The following FYCO1 variants were observed in gnomAD, a reference collection of about 807,000 sequenced individuals.
The protein encoded by FYCO1 is FYVE and coiled-coil domain autophagy adaptor 1, also known as FYVE and coiled-coil domain-containing protein 1.
Under a neutral mutation model 165.1 loss-of-function variants are expected in FYCO1, and 122 were observed. The observed-to-expected ratio is 0.74, with a 90% CI of 0.64 to 0.86. The LOEUF is 0.86. FYCO1 is among the 40% of genes least tolerant of loss of function. FYCO1 has a pLI of 0.00. For synonymous variants in FYCO1, 648 were observed against 742.5 expected (o/e 0.87, Z 2.07); for missense variants, 1,702 against 1,810.3 (o/e 0.94, Z 1.09).
intron 14 of FYCO1, among the ~76,000 whole-genome samples, chr3:45,950,595 C>A (rs1333119160): frequency 6.6e-6 from 1 of 152,160 alleles, no homozygotes. Flanking sequence ...AGCAGCACCC[C>A]CTTCCAGCTG....
intron 13 of FYCO1, 36 bp downstream of exon 13, chr3:45,958,372 A>C: frequency 6.3e-7 from 1 of 1,583,318 alleles, no homozygotes; most frequent in Non-Finnish European, 8.7e-7. Context: ...AGTGGCACCT[A>C]GAGAACATAG....
At chr3:45,988,991 T>C (rs926585751) in intron 1 of FYCO1, among the ~76,000 whole-genome samples, 1 of 152,176 alleles carries the variant, frequency 6.6e-6, no homozygotes, top group Admixed American at 6.5e-5. Flanking sequence ...CTATTTATGC[T>C]ATGGTCCAAG....
At chr3:45,989,706 C>T (rs1176983799) in intron 1 of FYCO1, among the ~76,000 whole-genome samples, 1 of 152,230 alleles carries the variant, frequency 6.6e-6, no homozygotes, top group Non-Finnish European at 1.5e-5. Flanking sequence ...TCAACCTTCT[C>T]TTGGTCCCCT....
At chr3:45,980,676 G>C (rs549250696) in intron 3 of FYCO1, among the ~76,000 whole-genome samples, 1 of 152,196 alleles carries the variant, frequency 6.6e-6, no homozygotes, top group Non-Finnish European at 1.5e-5. Flanking sequence ...CGCATACTAC[G>C]TGCTTTGGTG....
intron 11 of FYCO1, 82 bp from the exon 12 acceptor site, chr3:45,959,624 G>T: frequency 7.0e-7 from 1 of 1,430,738 alleles, no homozygotes; most frequent in Non-Finnish European, 9.7e-7. Flanking sequence ...CAAAAGACTG[G>T]TATCAAATTT....
chr3:45,982,325 AC>A (rs1219654981), intron 2 of FYCO1, among the ~76,000 whole-genome samples: 2 of 152,204 alleles, frequency 1.3e-5, no homozygotes, highest in African/African-American at 4.8e-5. Flanking sequence ...AAAAAAAAGT[AC>A]AATTTAGAAT....
rs767061149 is a variant in FYCO1 at position 45,959,351 on chromosome 3, C to T, written c.3587+42G>A. ...GGAGCTGTCTGCTCTGGTCCTGGGC[C>T]CCACCAGGGTGTTGGTGCCAACCCA... On this transcript the variant is annotated intron_variant, in intron 12 of 17. Coordinates refer to ENST00000296137, the MANE Select transcript of FYCO1 (RefSeq NM_024513.4). 4 of 1,608,962 alleles carry T rather than the reference C, an allele frequency of 2.5e-6. No homozygotes were observed. In the South Asian group the frequency reaches 4.4e-5, roughly 18 times the overall value.
intron 4 of FYCO1, among the ~76,000 whole-genome samples, chr3:45,978,911 C>T (rs1354091482): frequency 1.4e-5 from 2 of 148,036 alleles, no homozygotes; most frequent in Non-Finnish European, 3.0e-5. Flanking sequence ...GGCTGGAGTG[C>T]AGTGGCGCGA....
intron 3 of FYCO1, among the ~76,000 whole-genome samples, chr3:45,981,204 T>C (rs559930257): frequency 6.6e-6 from 1 of 152,356 alleles, no homozygotes; most frequent in South Asian, 2.1e-4. Context: ...ATTGTGTGTA[T>C]ACATACACGA....
At chr3:45,956,840 A>G (rs900153205) in intron 13 of FYCO1, among the ~76,000 whole-genome samples, 5 of 152,242 alleles carry the variant, frequency 3.3e-5, no homozygotes, top group African/African-American at 9.6e-5. Flanking sequence ...TAGAGATTCA[A>G]TGCAATCTCA....
At chr3:45,956,614 G>A (rs1233678137) in intron 13 of FYCO1, among the ~76,000 whole-genome samples, 1 of 151,926 alleles carries the variant, frequency 6.6e-6, no homozygotes, top group Non-Finnish European at 1.5e-5. Context: ...TGAGGCATAG[G>A]CTGAAAAAAG....
rs1165797711 is a variant in FYCO1 at position 45,993,914 on chromosome 3, G to T, written c.-113+1808C>A. 1.3e-5 allele frequency among the ~76,000 whole-genome samples: 2 copies of T among 152,192 alleles called. No individual in the cohort carries two copies. Among genetic ancestry groups the T allele is most frequent in the Non-Finnish European group, 2.9e-5 (2 of 68,032 alleles). ...AAACATCTCCCCTAAAGGGAAGCAG[G>T]GTGGGTGGGGGTGAGGGGGCTGCCA... On this transcript the variant is annotated intron_variant, in intron 1 of 17. Coordinates refer to ENST00000296137, the MANE Select transcript of FYCO1 (RefSeq NM_024513.4). The surrounding 1 kb of genome is among the most constrained non-coding windows in gnomAD (Gnocchi z 4.4).
At chr3:45,992,371 G>A (rs953708290) in intron 1 of FYCO1, among the ~76,000 whole-genome samples, 1 of 152,156 alleles carries the variant, frequency 6.6e-6, no homozygotes, top group African/African-American at 2.4e-5. Context: ...CAGGACCCAG[G>A]ATGGCTCTGA....
At chr3:45,969,891 TCAAAGC>T (rs1193479322) in intron 6 of FYCO1, 126 bp from the exon 7 acceptor site, 1 of 664,554 alleles carries the variant, frequency 1.5e-6, no homozygotes, top group Non-Finnish European at 2.6e-6. Flanking sequence ...TGTAAGAAAG[TCAAAGC>T]CAACAGATTC....
At chr3:45,974,553 G>GT (rs532739765) in intron 5 of FYCO1, among the ~76,000 whole-genome samples, 1 of 152,124 alleles carries the variant, frequency 6.6e-6, no homozygotes, top group African/African-American at 2.4e-5. Context: ...TCCCTTTGTA[G>GT]TTTTTTTTAG....
chr3:45,958,409 TTG>T lies in FYCO1; in HGVS notation c.3796_3797del (p.Gln1266ArgfsTer15). 2 of 1,612,012 alleles carry T rather than the reference TTG, an allele frequency of 1.2e-6. No individual in the cohort carries two copies. Among genetic ancestry groups the T allele is most frequent in the South Asian group, 2.2e-5 (2 of 90,928 alleles). ...ASPGPQATGG[Q>X]GANTDYRPPD... ...AGGCAGTAGTAGCAGGAGACTGACC[TTG>T]GCCTCCTGTGGCCTGGGGCCCAGGT... is the stretch of plus-strand genomic sequence containing the variant. On this transcript the variant is annotated frameshift_variant and splice_region_variant, in exon 13 of 18. Coordinates refer to ENST00000296137, the MANE Select transcript of FYCO1 (RefSeq NM_024513.4). LOFTEE classifies it high-confidence loss of function.
At chr3:45,921,950 G>C in intron 17 of FYCO1, 110 bp from the exon 18 acceptor site, 1 of 745,586 alleles carries the variant, frequency 1.3e-6, no homozygotes, top group Non-Finnish European at 2.5e-6. Flanking sequence ...GGCTGGGTGT[G>C]GGTGCTGGAG....
intron 14 of FYCO1, among the ~76,000 whole-genome samples, chr3:45,944,135 G>A (rs916986565): frequency 1.3e-5 from 2 of 152,016 alleles, no homozygotes; most frequent in Non-Finnish European, 2.9e-5. Context: ...CATGGCAGAA[G>A]GATTCAAGGG....
rs1707244448 is a variant in FYCO1, at chr3:45,985,030, G to A, written c.-112-8C>T. ...CAGACTCCATGGTGGCACCTGCACAGAGGAAGGGGAGGCCATGGAGGAAGC... is the reference window on the plus strand; with the variant it reads ...CAGACTCCATGGTGGCACCTGCACAAAGGAAGGGGAGGCCATGGAGGAAGC... On this transcript the variant is annotated splice_polypyrimidine_tract_variant and splice_region_variant and intron_variant, in intron 1 of 17. Transcript: ENST00000296137. 2 of 888,970 alleles carry A rather than the reference G, an allele frequency of 2.2e-6. No individual in the cohort carries two copies. The highest frequency in any genetic ancestry group is 1.6e-5 in the African/African-American group (1 of 61,210). 55.1% of individuals were successfully genotyped at this position (888,970 alleles called of 1,614,324 possible).
Sources: allele counts gnomAD v4.1 joint callset (sites outside exome capture counted in the v4.1 genomes callset), GRCh38; gene constraint gnomAD v4.1.1; non-coding constraint Gnocchi (gnomAD v3.1); transcripts MANE v1.5; gene names NCBI Gene and HGNC (gene_info 2026-07-23, HGNC 2026-07-21).